NF1: variants seen among roughly 807,000 people sequenced by gnomAD.
The protein encoded by NF1 is neurofibromin.
Under a neutral mutation model 325.7 loss-of-function variants are expected in NF1, and 122 were observed. The observed-to-expected ratio is 0.37, with a 90% CI of 0.32 to 0.44. The LOEUF (loss-of-function observed/expected upper bound fraction) is 0.44, where lower values mean the gene tolerates loss of function less well. Among genes scored for constraint, NF1 ranks in the 20% least tolerant of loss-of-function variants. NF1 has a pLI of 1.00. For missense variants in NF1, 2,140 were observed against 3,415.4 expected (o/e 0.63, Z 9.31); for synonymous variants, 1,091 against 1,186.0 (o/e 0.92, Z 1.65).
At chr17:31,341,264 C>G (rs1408346085) in intron 47 of NF1, among the ~76,000 whole-genome samples, 2 of 151,972 alleles carry the variant, frequency 1.3e-5, no homozygotes, top group Non-Finnish European at 2.9e-5. Flanking sequence ...GTGGCTCATA[C>G]CTGTAGTCCC....
intron 8 of NF1, among the ~76,000 whole-genome samples, chr17:31,190,082 T>G: frequency 8.0e-6 from 1 of 125,698 alleles, no homozygotes; most frequent in African/African-American, 2.8e-5. Flanking sequence ...TTTTTAAAAA[T>G]GTATTACAAA....
intron 36 of NF1, among the ~76,000 whole-genome samples, chr17:31,310,924 G>T (rs879276238): frequency 6.6e-6 from 1 of 150,752 alleles, no homozygotes. Context: ...AGGAGTCCCC[G>T]TGTATAAGAC....
chr17:31,232,653 G>A (rs758466279), intron 25 of NF1, 47 bp from the exon 26 acceptor site: 7 of 1,567,788 alleles, frequency 4.5e-6, no homozygotes, highest in Non-Finnish European at 4.4e-6. Flanking sequence ...TAGCTTTCTA[G>A]TTGATACGGC....
intron 57 of NF1, among the ~76,000 whole-genome samples, chr17:31,363,784 A>G (rs1276217740): frequency 4.3e-5 from 6 of 139,922 alleles, no homozygotes; most frequent in South Asian, 2.3e-4. Flanking sequence ...TCAGTAGCCC[A>G]GGCTGGAGTG....
chr17:31,212,030 AT>A (rs572649640), intron 12 of NF1, among the ~76,000 whole-genome samples: 11 of 152,266 alleles, frequency 7.2e-5, no homozygotes, highest in Admixed American at 5.2e-4. Context: ...AAACTTTTAA[AT>A]TTTTTAATTT....
intron 55 of NF1, 50 bp downstream of exon 55, chr17:31,358,672 G>T (rs749075902): frequency 6.2e-7 from 1 of 1,601,486 alleles, no homozygotes; most frequent in Non-Finnish European, 8.6e-7. Context: ...GCTAACATGC[G>T]CGCTGTTGTA....
chr17:31,113,722 T>C (rs1597574600), intron 1 of NF1, among the ~76,000 whole-genome samples: 1 of 152,190 alleles, frequency 6.6e-6, no homozygotes, highest in Non-Finnish European at 1.5e-5. Context: ...GGTTTCACCA[T>C]GTTGGCCAGG....
chr17:31,156,247 T>C (rs1259345532), intron 2 of NF1, 121 bp downstream of exon 2: 4 of 1,165,994 alleles, frequency 3.4e-6, no homozygotes, highest in East Asian at 4.7e-5. Context: ...GATATAACCA[T>C]TAATCTTATT....
chr17:31,256,881 A>T (rs1392287556), intron 31 of NF1, among the ~76,000 whole-genome samples: 1 of 152,218 alleles, frequency 6.6e-6, no homozygotes, highest in African/African-American at 2.4e-5. Flanking sequence ...CTGAAGATGG[A>T]ACTATATTAG....
rs1474665313 is a variant in NF1, at chr17:31,147,556, T to C, written c.61-8427T>C. Among the ~76,000 whole-genome samples the C allele has an allele frequency of 4.8e-5, 7 of 146,606 alleles. No individual in the cohort carries two copies. The Admixed American group carries it at 4.9e-4, about 10-fold the overall frequency. Reference sequence around the variant, plus strand: ...CATATATACATTTCTGTTGGGTATATATCTAGTGAAATTGCTGAATGTGTG... The same window carrying C: ...CATATATACATTTCTGTTGGGTATACATCTAGTGAAATTGCTGAATGTGTG... On this transcript the variant is annotated intron_variant, in intron 1 of 57. Transcript: ENST00000358273.
chr17:31,200,217 G>A (rs2066501657), intron 8 of NF1, among the ~76,000 whole-genome samples: 1 of 123,436 alleles, frequency 8.1e-6, no homozygotes, highest in Non-Finnish European at 1.9e-5. Flanking sequence ...ATTCAATAAA[G>A]AAAATAGAAA....
chr17:31,327,473 TTCACCCCG>T lies in NF1; in HGVS notation c.5269-20_5269-13del. The T allele has an allele frequency of 6.3e-7, 1 of 1,579,362 alleles. No individual in the cohort carries two copies. The highest frequency in any genetic ancestry group is 8.7e-7 in the Non-Finnish European group (1 of 1,152,748). ...GTAAAAGAGTTTAATTCTTCTCCAC[TTCACCCCG>T]TCACCACCACTTTCCAGGTTGGTTC... On this transcript the variant is annotated intron_variant, in intron 37 of 57. Transcript: ENST00000358273.
Position 31,182,522 on chromosome 17 carries a change from C to CACAT in NF1, c.745_746insACAT (p.Leu249HisfsTer4). ...TTTTCATGCAGAATGTGCAGAAAAG[C>CACAT]TATTTGACTTGGTGGATGGTTTTGC... On this transcript the variant is annotated frameshift_variant, in exon 8 of 58. Transcript: ENST00000358273. LOFTEE classifies it high-confidence loss of function. The CACAT allele has an allele frequency of 6.2e-7, 1 of 1,613,986 alleles. No individual in the cohort carries two copies. Among genetic ancestry groups the CACAT allele is most frequent in the Non-Finnish European group, 8.5e-7 (1 of 1,179,896 alleles).
intron 1 of NF1, among the ~76,000 whole-genome samples, chr17:31,148,468 A>G (rs1166149695): frequency 6.6e-6 from 1 of 151,748 alleles, no homozygotes; most frequent in Non-Finnish European, 1.5e-5. Context: ...TTACTGGGAA[A>G]TGGTCGTTCA....
In NF1 at chr17:31,321,744, T is replaced by A. The variant is rs563975755; in HGVS notation, c.4836-4076T>A. On this transcript the variant is annotated intron_variant, in intron 36 of 57. Transcript: ENST00000358273. ...AAAAAAACAACGAAAAAGCTCCAAC[T>A]TCTCTAGTTGGCCACTGGCATGACA... is the stretch of plus-strand genomic sequence containing the variant. The A allele has an allele frequency of 2.6e-5, 4 of 151,886 alleles. No individual in the cohort carries two copies. The East Asian group carries it at 7.7e-4, about 29-fold the overall frequency. 9.4% of individuals were successfully genotyped at this position (151,886 alleles called of 1,614,324 possible).
At chr17:31,280,978 A>G (rs2068108108) in intron 36 of NF1, among the ~76,000 whole-genome samples, 1 of 152,182 alleles carries the variant, frequency 6.6e-6, no homozygotes, top group African/African-American at 2.4e-5. Flanking sequence ...ACAAAAGGCA[A>G]CAGTAAAAGG....
At chr17:31,357,401 T>C (rs1303983369) in intron 54 of NF1, 32 bp downstream of exon 54, 1 of 1,536,892 alleles carries the variant, frequency 6.5e-7, no homozygotes, top group Non-Finnish European at 9.0e-7. Context: ...TAATTCACCT[T>C]CGTGCCTGTC....
At chr17:31,290,183 G>A (rs373323810) in intron 36 of NF1, among the ~76,000 whole-genome samples, 4 of 151,784 alleles carry the variant, frequency 2.6e-5, no homozygotes, top group African/African-American at 7.3e-5. Flanking sequence ...TGGGGATTTT[G>A]TATAGACCAA....
chr17:31,336,391 G>A lies in NF1; in HGVS notation c.6065G>A (p.Gly2022Asp), dbSNP rs1555534606. The A allele has an allele frequency of 6.2e-7, 1 of 1,614,006 alleles. No homozygotes were observed. The highest frequency in any genetic ancestry group is 8.5e-7 in the Non-Finnish European group (1 of 1,179,966). The change falls in exon 41 of 58, where the codon GGC (glycine) becomes GAC (aspartate). Residue 2022 changes from glycine to aspartate, a missense_variant. Physicochemically the swap from Gly to Asp is moderately conservative, Grantham distance 94 (BLOSUM62 -1). Around this residue, in one of 10 missense-constraint regions of NF1, gnomAD observed 180 missense variants for 435.1 expected, o/e 0.41. Coordinates refer to ENST00000358273, the MANE Select transcript of NF1 (RefSeq NM_001042492.3). This position sits in a 1 kb window ranked among gnomAD's most constrained non-coding sequence, Gnocchi z 5.5. ...DSFIKTSATG[G>D]LGSIKAEVMA... ...TTCATCAAAACCAGTGCAACAGGTG[G>A]CTTGGGATCAATAAAAGCTGAGGTG...
Sources: gnomAD v4.1 joint callset for allele counts (sites outside exome capture counted in the v4.1 genomes callset) on GRCh38, gnomAD v4.1.1 for gene constraint, gnomAD v4.1.1 regional missense constraint, Gnocchi (gnomAD v3.1) non-coding constraint, MANE v1.5 for transcripts, NCBI Gene and HGNC (gene_info 2026-07-23, HGNC 2026-07-21) for gene names.